SYNC: variants seen among roughly 807,000 people sequenced by gnomAD.
The protein encoded by SYNC is syncoilin, intermediate filament protein.
SYNC carries 38 observed loss-of-function variants against 49.5 expected under a neutral mutation model. The observed-to-expected ratio is 0.77, with a 90% CI of 0.59 to 1.01. SYNC has a LOEUF of 1.01. Among genes scored for constraint, SYNC ranks in the 50% least tolerant of loss-of-function variants. SYNC has a pLI of 0.00. For synonymous variants in SYNC, 201 were observed against 230.8 expected (o/e 0.87, Z 1.17); for missense variants, 579 against 580.6 (o/e 1.00, Z 0.03).
At position 32,681,517 on chromosome 1, in the gene SYNC, C is replaced by T; in HGVS notation, c.*333G>A. Reference sequence around the variant, plus strand: ...CAAGATACATTCTTTAAAATACTCCCAGATGTGTCCATACATTCATCCTTC... The same window carrying T: ...CAAGATACATTCTTTAAAATACTCCTAGATGTGTCCATACATTCATCCTTC... On this transcript the variant is annotated 3_prime_UTR_variant, in exon 5 of 5. Coordinates refer to ENST00000409190, the MANE Select transcript of SYNC (RefSeq NM_030786.3). 2.9e-6 allele frequency: 1 copy of T among 348,146 alleles called. No individual in the cohort carries two copies. Among genetic ancestry groups the T allele is most frequent in the East Asian group, 5.0e-5 (1 of 20,090 alleles). 21.6% of individuals were successfully genotyped at this position (348,146 alleles called of 1,614,324 possible).
rs575817992 is a variant in SYNC at position 32,695,596 on chromosome 1, T to G, written c.502A>C (p.Ser168Arg). Reference protein sequence around the residue: ...EQSPSMEENLSIEDLELLEGR... With the variant: ...EQSPSMEENLRIEDLELLEGR... ...TCTAGCAATTCCAGGTCCTCTATGC[T>G]CAGGTTCTCCTCCATGCTGGGGCTC... The change falls in exon 2 of 5, where the codon AGC becomes CGC. Residue 168 changes from serine to arginine, a missense_variant. Physicochemically the swap from Ser to Arg is moderately radical, Grantham distance 110. Transcript: ENST00000409190. 2 of 1,551,520 alleles carry G rather than the reference T, an allele frequency of 1.3e-6. No homozygotes were observed. Among genetic ancestry groups the G allele is most frequent in the South Asian group, 1.2e-5 (1 of 84,016 alleles).
In SYNC at chr1:32,680,246, G is replaced by A. The variant is rs777880789; in HGVS notation, c.*1604C>T. 13 of 1,168,790 alleles carry A rather than the reference G, an allele frequency of 1.1e-5. No individual in the cohort carries two copies. The highest frequency in any genetic ancestry group is 3.5e-4 in the Middle Eastern group (1 of 2,840). 72.4% of individuals were successfully genotyped at this position (1,168,790 alleles called of 1,614,324 possible). ...TTCTTCAGTTAAGTCAAAACAACAC[G>A]TTCCTCTTTCCCCATATATTCATAT... On this transcript the variant is annotated 3_prime_UTR_variant, in exon 5 of 5. Coordinates refer to ENST00000409190, the MANE Select transcript of SYNC (RefSeq NM_030786.3).
At chr1:32,690,950 G>A (rs1286561088) in intron 2 of SYNC, among the ~76,000 whole-genome samples, 1 of 152,066 alleles carries the variant, frequency 6.6e-6, no homozygotes, top group African/African-American at 2.4e-5. Context: ...CGGGCTCAGT[G>A]GCTCACACCT....
chr1:32,688,210 T>TA (rs1334076435), intron 2 of SYNC, among the ~76,000 whole-genome samples: 1 of 152,254 alleles, frequency 6.6e-6, no homozygotes, highest in East Asian at 1.9e-4. Context: ...GTTCAGGAGT[T>TA]ACATCCTCGC....
At chr1:32,698,903 C>T (rs1299092139) in intron 1 of SYNC, among the ~76,000 whole-genome samples, 1 of 151,676 alleles carries the variant, frequency 6.6e-6, no homozygotes, top group African/African-American at 2.4e-5. Flanking sequence ...GCCTCAGCCT[C>T]CCGGGTAGCC....
At chr1:32,698,475 C>A (rs1448832093) in intron 1 of SYNC, among the ~76,000 whole-genome samples, 1 of 152,072 alleles carries the variant, frequency 6.6e-6, no homozygotes, top group African/African-American at 2.4e-5. Context: ...GCCCAGATTG[C>A]GCCACCGCAC....
chr1:32,702,894 G>A (rs113841056), upstream of SYNC: 3,315 of 178,198 alleles, frequency 0.019, 111 homozygotes, highest in African/African-American at 0.064. This position sits in a 1 kb window ranked among gnomAD's most constrained non-coding sequence, Gnocchi z 6.2. Flanking sequence ...GCGGGGGTGG[G>A]AACGGGGGCC....
Position 32,702,647 on chromosome 1 carries a change from T to A in SYNC, c.14A>T (p.Glu5Val), listed in dbSNP as rs1650713549. The A allele has an allele frequency of 1.2e-5, 15 of 1,208,844 alleles. No homozygotes were observed. Among genetic ancestry groups the A allele is most frequent in the Non-Finnish European group, 1.5e-5 (15 of 973,666 alleles). The allele number at this position is 1,208,844 out of a possible 1,614,324, so 74.9% of individuals were successfully genotyped here. A position where few individuals can be genotyped will look rare whatever the true frequency, so the allele number is the denominator to read the frequency against. The change falls in exon 1 of 5, where the codon GAG becomes GTG. Residue 5 changes from glutamate to valine, a missense_variant. Coordinates refer to ENST00000409190, the MANE Select transcript of SYNC (RefSeq NM_030786.3). The surrounding 1 kb of genome is among the most constrained non-coding windows in gnomAD (Gnocchi z 6.2). MASPEPRRGGDGAAQ... is the reference protein window; with the variant it reads MASPVPRRGGDGAAQ... ...GGCGCCGTCCCCGCCGCGCCGGGGC[T>A]CCGGGCTGGCCATGGCTGCGCGACC...
upstream of SYNC, chr1:32,702,783 G>A (rs1259123324): frequency 1.5e-5 from 13 of 848,048 alleles, no homozygotes; most frequent in Non-Finnish European, 1.9e-5. This position sits in a 1 kb window ranked among gnomAD's most constrained non-coding sequence, Gnocchi z 6.2. Context: ...CCGGCCCCGG[G>A]CCGGGCGCGC....
chr1:32,684,434 C>A lies in SYNC; in HGVS notation c.1234-52G>T, dbSNP rs767240487. The A allele has an allele frequency of 3.0e-5, 49 of 1,612,008 alleles. No individual in the cohort carries two copies. The Middle Eastern group carries it at 4.9e-4, about 16-fold the overall frequency. On this transcript the variant is annotated intron_variant, in intron 2 of 4. Transcript: ENST00000409190. ...TAATGAGCCAAACAATAAAAACTCACATTGTCCACTCTTACTTATAAAACA... is the reference window on the plus strand; with the variant it reads ...TAATGAGCCAAACAATAAAAACTCAAATTGTCCACTCTTACTTATAAAACA...
chr1:32,695,901 T>G lies in SYNC; in HGVS notation c.197A>C (p.Asp66Ala), dbSNP rs750381090. Reference protein sequence around the residue: ...EDILYLEDTGDLDETLYVQET... With the variant: ...EDILYLEDTGALDETLYVQET... ...TTGCACATAGAGTGTCTCATCAAGGTCACCTGTGTCCTCCAGGTAGAGAAT... is the reference window on the plus strand; with the variant it reads ...TTGCACATAGAGTGTCTCATCAAGGGCACCTGTGTCCTCCAGGTAGAGAAT... The change falls in exon 2 of 5, where the codon GAC becomes GCC. Residue 66 changes from aspartate (D) to alanine (A), a missense_variant. Asp to Ala is a moderately radical substitution (Grantham distance 126). Transcript: ENST00000409190. 2 of 1,551,992 alleles carry G rather than the reference T, an allele frequency of 1.3e-6. No individual in the cohort carries two copies.
At chr1:32,693,896 G>C (rs1650279425) in intron 2 of SYNC, among the ~76,000 whole-genome samples, 2 of 152,126 alleles carry the variant, frequency 1.3e-5, no homozygotes, top group Admixed American at 6.6e-5. Flanking sequence ...TTGAGCCCAG[G>C]ATTTCAAGAC....
intron 2 of SYNC, chr1:32,684,628 A>C: frequency 4.1e-6 from 2 of 484,192 alleles, no homozygotes; most frequent in Non-Finnish European, 3.7e-6. Context: ...CTTTAATAGA[A>C]TCCTGGGAGG....
Position 32,694,856 on chromosome 1 carries a change from TGG to T in SYNC, c.1233+7_1233+8del. On this transcript the variant is annotated splice_region_variant and intron_variant, in intron 2 of 4. Coordinates refer to ENST00000409190, the MANE Select transcript of SYNC (RefSeq NM_030786.3). Reference sequence around the variant, plus strand: ...AGACCTCAGTTCTTTTCATGCCCAATGGGCCTACCCTGTACTGCTGCACCTCT... The same window carrying T: ...AGACCTCAGTTCTTTTCATGCCCAATGCCTACCCTGTACTGCTGCACCTCT... The T allele has an allele frequency of 6.4e-7, 1 of 1,554,716 alleles. No individual in the cohort carries two copies. The highest frequency in any genetic ancestry group is 1.7e-4 in the Middle Eastern group (1 of 5,774).
Position 32,695,525 on chromosome 1 carries a change from C to T in SYNC, c.573G>A (p.Glu191=). 1.9e-6 allele frequency: 3 copies of T among 1,551,498 alleles called. No homozygotes were observed. Among genetic ancestry groups the T allele is most frequent in the East Asian group, 4.9e-5 (2 of 40,900 alleles). ...GCTCATGGATGAGCTGATCCCTCTCCTCTTCCAGCTGGGCCACAGCTTGGA... is the reference window on the plus strand; with the variant it reads ...GCTCATGGATGAGCTGATCCCTCTCTTCTTCCAGCTGGGCCACAGCTTGGA... ...QCVQAVAQLE[E]ERDQLIHELV... is the part of the protein sequence containing the mutation. Residue 191 remains glutamate, a synonymous_variant, in exon 2 of 5, where the codon GAG becomes GAA. Transcript: ENST00000409190.
Position 32,679,993 on chromosome 1 carries a change from T to TA in SYNC, c.*1856dup. ...TATTATGTGTGATTATTTTTCTTCT[T>TA]ATGCTATATCCCCAAGTTTTTCAGA... is the stretch of plus-strand genomic sequence containing the variant. On this transcript the variant is annotated 3_prime_UTR_variant, in exon 5 of 5. Transcript: ENST00000409190. 1.7e-6 allele frequency: 2 copies of TA among 1,171,814 alleles called. No homozygotes were observed. 72.6% of individuals were successfully genotyped at this position (1,171,814 alleles called of 1,614,324 possible).
rs1169270028 is a variant in SYNC, at chr1:32,680,376, T to TA, written c.*1473dup. The stretch of plus-strand genomic sequence containing the variant: ...TTGTTGGTTTTTTTTTTTTTTTTTT[T>TA]AACTTGGGACCACCAAGTTGTAAAG... On this transcript the variant is annotated 3_prime_UTR_variant, in exon 5 of 5. Coordinates refer to ENST00000409190, the MANE Select transcript of SYNC (RefSeq NM_030786.3). 3.5e-6 allele frequency: 4 copies of TA among 1,129,330 alleles called. No homozygotes were observed. Among genetic ancestry groups the TA allele is most frequent in the South Asian group, 4.1e-5 (1 of 24,556 alleles). The allele number at this position is 1,129,330 out of a possible 1,614,324, so 70.0% of individuals were successfully genotyped here.
At chr1:32,691,625 T>C (rs1650173291) in intron 2 of SYNC, among the ~76,000 whole-genome samples, 1 of 151,812 alleles carries the variant, frequency 6.6e-6, no homozygotes, top group African/African-American at 2.4e-5. Flanking sequence ...TGCAGCAGAC[T>C]ACTGAATAAA....
At chr1:32,688,896 CTT>C (rs1650022504) in intron 2 of SYNC, among the ~76,000 whole-genome samples, 1 of 150,790 alleles carries the variant, frequency 6.6e-6, no homozygotes, top group Non-Finnish European at 1.5e-5. Flanking sequence ...AGTACAAACT[CTT>C]TGAGGGCAGG....
Sources: gnomAD v4.1 joint callset for allele counts (sites outside exome capture counted in the v4.1 genomes callset) on GRCh38, gnomAD v4.1.1 for gene constraint, Gnocchi (gnomAD v3.1) non-coding constraint, MANE v1.5 for transcripts, NCBI Gene and HGNC (gene_info 2026-07-23, HGNC 2026-07-21) for gene names.